The following SOX30 variants were observed in gnomAD, a reference collection of about 807,000 sequenced individuals.
SOX30 encodes SRY-box transcription factor 30, also known as transcription factor SOX-30.
In SOX30, 17 loss-of-function variants were observed where a neutral mutation model predicts 58.6. The ratio of observed to expected loss-of-function variants is 0.29; its 90% CI spans 0.20 to 0.44. The LOEUF (loss-of-function observed/expected upper bound fraction) is 0.44, where lower values mean the gene tolerates loss of function less well. SOX30 is among the 20% of genes least tolerant of loss of function. The pLI, the probability that SOX30 is intolerant of heterozygous loss-of-function variation, is 1.00. For synonymous variants in SOX30, 421 were observed against 400.2 expected, an observed-to-expected ratio of 1.05 and a Z score of -0.62; for missense variants, 951 against 965.8, an observed-to-expected ratio of 0.98 and a Z score of 0.20.
At position 157,652,092 on chromosome 5, in the gene SOX30, G is replaced by A. The variant is rs1759369319; in HGVS notation, c.-14C>T. On this transcript the variant is annotated 5_prime_UTR_variant, in exon 1 of 5. Coordinates refer to ENST00000265007, the MANE Select transcript of SOX30 (RefSeq NM_178424.2). Reference sequence around the variant, plus strand: ...GGCTCTCTCCATGGGGGAGGGGGACGCCCCGGCCAGGATTGTGAGCTCAGC... The same window carrying A: ...GGCTCTCTCCATGGGGGAGGGGGACACCCCGGCCAGGATTGTGAGCTCAGC... 3 of 1,396,234 alleles carry A rather than the reference G, an allele frequency of 2.1e-6. No individual in the cohort carries two copies. Among genetic ancestry groups the A allele is most frequent in the Non-Finnish European group, 1.8e-6 (2 of 1,082,648 alleles). The allele number at this position is 1,396,234 out of a possible 1,614,324, so 86.5% of individuals were successfully genotyped here.
At chr5:157,630,516 G>A (rs1206161976) in intron 4 of SOX30, among the ~76,000 whole-genome samples, 3 of 152,012 alleles carry the variant, frequency 2.0e-5, no homozygotes, top group African/African-American at 7.2e-5. Flanking sequence ...TGTAAAGACC[G>A]TATTCTTTGT....
Position 157,651,137 on chromosome 5 carries a change from C to T in SOX30, c.942G>A (p.Pro314=), listed in dbSNP as rs149787175. The change falls in exon 1 of 5, where the codon CCG becomes CCA. Residue 314 remains proline, a synonymous_variant. Transcript: ENST00000265007. ...PSVKIETKDV[P]LTVLPSDAGI... ...CTGCATCTGAGGGCAACACGGTGAGCGGGACATCTTTGGTTTCAATTTTTA... is the reference window on the plus strand; with the variant it reads ...CTGCATCTGAGGGCAACACGGTGAGTGGGACATCTTTGGTTTCAATTTTTA... 133 of 1,559,294 alleles carry T rather than the reference C, an allele frequency of 8.5e-5. No homozygotes were observed. The African/African-American group carries it at 1.6e-3, about 19-fold the overall frequency.
Position 157,671,190 on chromosome 5 carries a change from A to G in SOX30, c.-4+140T>C, listed in dbSNP as rs1581413341. On this transcript the variant is annotated intron_variant, in intron 1 of 5. Coordinates refer to the SOX30 transcript ENST00000519442. ...TAGCAATTGTCTCGTCGCAGAAAGGAATCGCCTGTGCTGGGTCTTCAGACC... is the reference window on the plus strand; with the variant it reads ...TAGCAATTGTCTCGTCGCAGAAAGGGATCGCCTGTGCTGGGTCTTCAGACC... 2.4e-5 allele frequency: 4 copies of G among 169,974 alleles called. No individual in the cohort carries two copies. In the East Asian group the frequency reaches 6.7e-4, roughly 28 times the overall value. 10.5% of individuals were successfully genotyped at this position (169,974 alleles called of 1,614,324 possible).
At chr5:157,661,271 A>C (rs575191565) in intron 2 of SOX30, among the ~76,000 whole-genome samples, 2 of 152,322 alleles carry the variant, frequency 1.3e-5, no homozygotes, top group South Asian at 2.1e-4. Context: ...TCATAGGTTT[A>C]TGTAGCTGCC....
intron 1 of SOX30, among the ~76,000 whole-genome samples, chr5:157,669,861 A>ATGG (rs1024264296): frequency 3.3e-5 from 5 of 151,896 alleles, no homozygotes; most frequent in African/African-American, 9.7e-5. Flanking sequence ...CTGAGTGGGG[A>ATGG]TGGGGGTGGT....
intron 4 of SOX30, among the ~76,000 whole-genome samples, chr5:157,635,764 A>G (rs1758913288): frequency 6.6e-6 from 1 of 152,234 alleles, no homozygotes; most frequent in South Asian, 2.1e-4. Context: ...GACTTCTATG[A>G]TTTAATCTAT....
chr5:157,651,253 G>C lies in SOX30; in HGVS notation c.826C>G (p.Gln276Glu). The change falls in exon 1 of 5, where the codon CAG (glutamine) becomes GAG (glutamate). Residue 276 changes from glutamine (Q) to glutamate (E), a missense_variant. Coordinates refer to ENST00000265007, the MANE Select transcript of SOX30 (RefSeq NM_178424.2). ...TVPPGARIQF[Q>E]GAPPSELIRL... Reference sequence around the variant, plus strand: ...ATCAGCTCTGAAGGCGGAGCTCCCTGAAACTGGATCCGGGCCCCAGGGGGG... The same window carrying C: ...ATCAGCTCTGAAGGCGGAGCTCCCTCAAACTGGATCCGGGCCCCAGGGGGG... 1.9e-6 allele frequency: 3 copies of C among 1,614,174 alleles called. No homozygotes were observed. Among genetic ancestry groups the C allele is most frequent in the Middle Eastern group, 3.3e-4 (2 of 6,016 alleles).
intron 2 of SOX30, among the ~76,000 whole-genome samples, chr5:157,665,146 C>A (rs1390982121): frequency 1.3e-5 from 2 of 152,164 alleles, no homozygotes; most frequent in African/African-American, 4.8e-5. Context: ...GACACATGCA[C>A]ACGTATGTTT....
chr5:157,671,283 G>A lies in SOX30; in HGVS notation c.-4+47C>T, dbSNP rs552367471. Reference sequence around the variant, plus strand: ...TTACCCGCCCCGCCAGCAGGCCGGGGTCACTGCAGTCCCCACGTCGAAGCG... The same window carrying A: ...TTACCCGCCCCGCCAGCAGGCCGGGATCACTGCAGTCCCCACGTCGAAGCG... On this transcript the variant is annotated intron_variant, in intron 1 of 5. Coordinates refer to the SOX30 transcript ENST00000519442. 9.1e-5 allele frequency: 28 copies of A among 307,046 alleles called. No individual in the cohort carries two copies. In the Middle Eastern group the frequency reaches 4.5e-3, roughly 49 times the overall value. The allele number at this position is 307,046 out of a possible 1,614,324, so 19.0% of individuals were successfully genotyped here. A position where few individuals can be genotyped will look rare whatever the true frequency, so the allele number is the denominator to read the frequency against.
intron 2 of SOX30, among the ~76,000 whole-genome samples, chr5:157,667,202 A>T (rs1166035532): frequency 6.6e-6 from 1 of 151,956 alleles, no homozygotes; most frequent in East Asian, 1.9e-4. Flanking sequence ...GCTGCCCCAG[A>T]CTCCTATGAA....
chr5:157,640,333 T>C (rs1333983300), intron 3 of SOX30, among the ~76,000 whole-genome samples: 1 of 152,136 alleles, frequency 6.6e-6, no homozygotes, highest in Non-Finnish European at 1.5e-5. Context: ...CCAAAGCCTT[T>C]AAATGAATAG....
At chr5:157,629,321 C>T (rs1581387115) in intron 4 of SOX30, among the ~76,000 whole-genome samples, 1 of 152,302 alleles carries the variant, frequency 6.6e-6, no homozygotes, top group South Asian at 2.1e-4. Context: ...ACAAAGCCTT[C>T]ATTTCAGCTA....
intron 3 of SOX30, among the ~76,000 whole-genome samples, chr5:157,639,968 T>C (rs1478640488): frequency 6.6e-6 from 1 of 152,160 alleles, no homozygotes; most frequent in Non-Finnish European, 1.5e-5. Flanking sequence ...TCTGACCCAG[T>C]GAAGTAGAGA....
At chr5:157,642,663 C>A (rs1759096635) in intron 3 of SOX30, among the ~76,000 whole-genome samples, 1 of 151,874 alleles carries the variant, frequency 6.6e-6, no homozygotes, top group Admixed American at 6.6e-5. Flanking sequence ...TAAAAAATAA[C>A]AAAAATAACA....
intron 2 of SOX30, among the ~76,000 whole-genome samples, chr5:157,647,891 A>G (rs1233724293): frequency 2.0e-5 from 3 of 152,086 alleles, no homozygotes; most frequent in Non-Finnish European, 2.9e-5. Context: ...TAGTTCAAGA[A>G]GAGTCACTCT....
At chr5:157,668,204 G>A (rs756054677) in intron 1 of SOX30, among the ~76,000 whole-genome samples, 2 of 152,182 alleles carry the variant, frequency 1.3e-5, no homozygotes, top group South Asian at 2.1e-4. Flanking sequence ...CTTCTCCTAC[G>A]GCTGTAGCTG....
At chr5:157,629,969 A>T (rs1758749565) in intron 4 of SOX30, among the ~76,000 whole-genome samples, 1 of 152,214 alleles carries the variant, frequency 6.6e-6, no homozygotes, top group Non-Finnish European at 1.5e-5. Flanking sequence ...TGATCCTTGT[A>T]TCCTTCTTAT....
At chr5:157,649,937 C>A (rs1759287773) in intron 1 of SOX30, among the ~76,000 whole-genome samples, 1 of 152,110 alleles carries the variant, frequency 6.6e-6, no homozygotes, top group Non-Finnish European at 1.5e-5. Context: ...TCAGAGAAGG[C>A]AGCCACAATG....
At position 157,648,541 on chromosome 5, in the gene SOX30, T is replaced by C. The variant is rs1308333291; in HGVS notation, c.1207+116A>G. 8 of 910,122 alleles carry C rather than the reference T, an allele frequency of 8.8e-6. No individual in the cohort carries two copies. In the South Asian group the frequency reaches 1.0e-4, roughly 12 times the overall value. 56.4% of individuals were successfully genotyped at this position (910,122 alleles called of 1,614,324 possible). ...TTATAATATTAGTCATTATTCTCTT[T>C]ATTGTACATATCAGAAAAAAATTAT... On this transcript the variant is annotated intron_variant, in intron 2 of 4. Transcript: ENST00000265007.
Sources: gnomAD v4.1 joint callset for allele counts (sites outside exome capture counted in the v4.1 genomes callset) on GRCh38, gnomAD v4.1.1 for gene constraint, MANE v1.5 for transcripts, NCBI Gene and HGNC (gene_info 2026-07-23, HGNC 2026-07-21) for gene names.